DDX46: variants seen among roughly 807,000 people sequenced by gnomAD.
DDX46 encodes DEAD-box helicase 46.
A neutral mutation model predicts 134.9 loss-of-function variants in DDX46; 30 were observed. That is an observed-to-expected ratio of 0.22 (90% CI 0.17 to 0.30). The LOEUF (loss-of-function observed/expected upper bound fraction) is 0.30. DDX46 is among the 10% of genes least tolerant of loss of function. The pLI is 1.00. For synonymous variants in DDX46, 415 were observed against 404.1 expected, an observed-to-expected ratio of 1.03 and a Z score of -0.32; for missense variants, 622 against 1,248.7, an observed-to-expected ratio of 0.50 and a Z score of 7.56.
Position 134,763,953 on chromosome 5 carries a change from A to G in DDX46, c.67A>G (p.Arg23Gly). ...ASRGRSGSRS[R>G]SRSPSDKRSK... ...CCGGGGTCGCTCTGGAAGTCGGTCT[A>G]GAAGTCGCTCACCCTCAGACAAAAG... Residue 23 changes from arginine to glycine, a missense_variant, in exon 2 of 23, where the codon AGA (arginine) becomes GGA (glycine). Physicochemically the swap from Arg to Gly is moderately radical, Grantham distance 125 (BLOSUM62 -2). Transcript: ENST00000452510. 1 of 1,614,236 alleles carries G rather than the reference A, an allele frequency of 6.2e-7. No individual in the cohort carries two copies. The highest frequency in any genetic ancestry group is 1.3e-5 in the African/African-American group (1 of 75,076).
chr5:134,782,792 C>T (rs543068093), intron 8 of DDX46, among the ~76,000 whole-genome samples, 153 bp from the exon 9 acceptor site: 72 of 152,198 alleles, frequency 4.7e-4, no homozygotes, highest in Non-Finnish European at 8.2e-4. Context: ...CTGCCTGCGT[C>T]TGTCTCCCAA....
Position 134,815,417 on chromosome 5 carries a change from G to A in DDX46, c.2437-1013G>A, listed in dbSNP as rs568766123. Reference sequence around the variant, plus strand: ...GCAAAGGGCATTTTTTAAAAGAAATGCACATAGCAGGCTGGCGGTGGTGGC... The same window carrying A: ...GCAAAGGGCATTTTTTAAAAGAAATACACATAGCAGGCTGGCGGTGGTGGC... On this transcript the variant is annotated intron_variant, in intron 18 of 22. Coordinates refer to ENST00000452510, the MANE Select transcript of DDX46 (RefSeq NM_001300860.2). Among the ~76,000 whole-genome samples the A allele has an allele frequency of 7.9e-4, 120 of 151,942 alleles. 1 individual carries two copies. Among genetic ancestry groups the A allele is most frequent in the African/African-American group, 2.9e-3 (119 of 41,436 alleles).
At chr5:134,828,133 A>G (rs562319074) in intron 22 of DDX46, among the ~76,000 whole-genome samples, 1 of 152,270 alleles carries the variant, frequency 6.6e-6, no homozygotes, top group Non-Finnish European at 1.5e-5. Flanking sequence ...TGCCAGTTGC[A>G]GCTTATAAAC....
chr5:134,795,215 T>G (rs796594644), intron 14 of DDX46, among the ~76,000 whole-genome samples: 112 of 149,236 alleles, frequency 7.5e-4, no homozygotes, highest in Non-Finnish European at 1.2e-3. Flanking sequence ...TTTTTTTTTT[T>G]TTTTGTTTTT....
intron 20 of DDX46, 75 bp downstream of exon 20, chr5:134,817,789 AC>A: frequency 7.9e-7 from 1 of 1,258,324 alleles, no homozygotes; most frequent in Non-Finnish European, 1.1e-6. Flanking sequence ...CATCTTTAAA[AC>A]CCATGAACAT....
chr5:134,816,892 A>G (rs1755300325), intron 19 of DDX46: 1 of 292,990 alleles, frequency 3.4e-6, no homozygotes, highest in African/African-American at 2.2e-5. Flanking sequence ...TGTATTAATA[A>G]TTCTCTTTTT....
rs367928985 is a variant in DDX46, at chr5:134,807,852, C to T, written c.2059C>T (p.His687Tyr). Residue 687 changes from histidine to tyrosine, a missense_variant, in exon 16 of 23, where the codon CAT becomes TAT. By Grantham distance (83) the His-to-Tyr change is moderately conservative (BLOSUM62 2). Coordinates refer to ENST00000452510, the MANE Select transcript of DDX46 (RefSeq NM_001300860.2). ...TGCTGCCCGAGGTCTAGATGTGAAA[C>T]ATCTGATTCTTGTAGTAAATTATAG... ...SVAARGLDVK[H>Y]LILVVNYSCP... is the part of the protein sequence containing the mutation. 1 of 1,614,186 alleles carries T rather than the reference C, an allele frequency of 6.2e-7. No individual in the cohort carries two copies. Among genetic ancestry groups the T allele is most frequent in the Non-Finnish European group, 8.5e-7 (1 of 1,180,038 alleles).
intron 12 of DDX46, chr5:134,790,063 C>G (rs1223666048): frequency 6.5e-6 from 3 of 458,194 alleles, no homozygotes; most frequent in East Asian, 6.9e-5. Context: ...CTAGAACTTG[C>G]TTTCCACACA....
chr5:134,826,780 A>T (rs1010537589), intron 21 of DDX46, 167 bp from the exon 22 acceptor site: 2 of 556,398 alleles, frequency 3.6e-6, no homozygotes, highest in Non-Finnish European at 6.3e-6. Flanking sequence ...ATAAGCAGCC[A>T]TTATATAATG....
At chr5:134,760,465 G>T (rs1404612900) in intron 1 of DDX46, among the ~76,000 whole-genome samples, 4 of 152,262 alleles carry the variant, frequency 2.6e-5, no homozygotes, top group Admixed American at 6.5e-5. Flanking sequence ...CCCAGAAAGC[G>T]GGTGGATTGT....
chr5:134,800,219 G>T (rs1754786162), intron 15 of DDX46, among the ~76,000 whole-genome samples: 2 of 152,090 alleles, frequency 1.3e-5, no homozygotes, highest in Non-Finnish European at 2.9e-5. Context: ...AAGTGCTGGG[G>T]TTACAGGCGT....
chr5:134,780,630 TAATAC>T (rs1411343791), intron 6 of DDX46: 10 of 150,500 alleles, frequency 6.6e-5, no homozygotes, highest in African/African-American at 2.4e-4. Flanking sequence ...AAATTATTTA[TAATAC>T]AGTAAATTAT....
At chr5:134,803,912 ATTC>A (rs1315156285) in intron 15 of DDX46, among the ~76,000 whole-genome samples, 4 of 128,968 alleles carry the variant, frequency 3.1e-5, no homozygotes, top group East Asian at 2.5e-4. Flanking sequence ...AGTGATGATG[ATTC>A]TTCTTTTTTT....
chr5:134,821,466 T>C (rs770298550), intron 21 of DDX46, among the ~76,000 whole-genome samples: 4 of 149,406 alleles, frequency 2.7e-5, no homozygotes, highest in Admixed American at 1.3e-4. Context: ...CATGAGCCAC[T>C]GTGCCCCACC....
intron 2 of DDX46, among the ~76,000 whole-genome samples, chr5:134,766,383 C>T (rs1214052964): frequency 1.3e-5 from 2 of 151,560 alleles, no homozygotes; most frequent in Non-Finnish European, 2.9e-5. Flanking sequence ...CATGGAGAAA[C>T]CCCATCTGTA....
intron 15 of DDX46, among the ~76,000 whole-genome samples, chr5:134,798,897 G>GA (rs943651596): frequency 6.6e-6 from 1 of 152,094 alleles, no homozygotes; most frequent in African/African-American, 2.4e-5. Flanking sequence ...AAAATATTTG[G>GA]AAAAAAATTT....
intron 20 of DDX46, among the ~76,000 whole-genome samples, chr5:134,818,362 G>A (rs1477769464): frequency 6.6e-6 from 1 of 151,408 alleles, no homozygotes; most frequent in Non-Finnish European, 1.5e-5. Context: ...CCAAAGTGCT[G>A]GAATTACAGG....
rs1336583452 is a variant in DDX46 at position 134,828,253 on chromosome 5, G to A, written c.3052-406G>A. 3.3e-5 allele frequency among the ~76,000 whole-genome samples: 5 copies of A among 151,792 alleles called. No individual in the cohort carries two copies. The East Asian group carries it at 7.7e-4, about 23-fold the overall frequency. Reference sequence around the variant, plus strand: ...CTCACAGAGCATTCCTTTTTTTGTTGGGGGGTGGGGGTGGTTAGAAGTTTA... The same window carrying A: ...CTCACAGAGCATTCCTTTTTTTGTTAGGGGGTGGGGGTGGTTAGAAGTTTA... On this transcript the variant is annotated intron_variant, in intron 22 of 22. Coordinates refer to ENST00000452510, the MANE Select transcript of DDX46 (RefSeq NM_001300860.2).
Position 134,828,730 on chromosome 5 carries a change from C to G in DDX46, c.*24C>G, listed in dbSNP as rs1755656611. The G allele has an allele frequency of 1.4e-6, 2 of 1,468,966 alleles. No individual in the cohort carries two copies. The highest frequency in any genetic ancestry group is 1.5e-5 in the African/African-American group (1 of 68,592). 91.0% of individuals were successfully genotyped at this position (1,468,966 alleles called of 1,614,324 possible). On this transcript the variant is annotated 3_prime_UTR_variant, in exon 23 of 23. Transcript: ENST00000452510. ...AGACATCCGGAAAAAAGATTTTTAC[C>G]TGTGCTGGTCTATGATGTATGTGGC...
Sources: gnomAD v4.1 joint callset for allele counts (sites outside exome capture counted in the v4.1 genomes callset) on GRCh38, gnomAD v4.1.1 for gene constraint, MANE v1.5 for transcripts, NCBI Gene and HGNC (gene_info 2026-07-23, HGNC 2026-07-21) for gene names.